Variants in DROSHA observed in about 807,000 individuals in gnomAD.
DROSHA encodes the protein drosha ribonuclease III.
DROSHA carries 56 observed loss-of-function variants against 181.9 expected under a neutral mutation model. The observed-to-expected ratio is 0.31, with a 90% CI of 0.25 to 0.38. DROSHA has a LOEUF of 0.38. Among genes scored for constraint, DROSHA ranks in the 10% least tolerant of loss-of-function variants. The probability of loss-of-function intolerance (pLI) is 1.00; values close to 1 mark genes in which losing one functional copy is unlikely to be tolerated. For missense variants in DROSHA, 1,218 were observed against 1,743.5 expected, an observed-to-expected ratio of 0.70 and a Z score of 5.37; for synonymous variants, 524 against 591.2, an observed-to-expected ratio of 0.89 and a Z score of 1.65.
At chr5:31,475,082 C>T (rs1319575676) in intron 16 of DROSHA, among the ~76,000 whole-genome samples, 1 of 152,276 alleles carries the variant, frequency 6.6e-6, no homozygotes, top group East Asian at 1.9e-4. Context: ...CTTTGAGGGG[C>T]CAAGGTGAGC....
rs1738438655 is a variant in DROSHA, at chr5:31,509,703, ACAG to A, written c.1433-931_1433-929del. 2.6e-5 allele frequency among the ~76,000 whole-genome samples: 4 copies of A among 152,340 alleles called. No homozygotes were observed. The East Asian group carries it at 5.8e-4, about 22-fold the overall frequency. ...ACTTGACATTTCTTTTCCCTCAATAACAGCAAGAGAAGGTGTTAGTCCTTAAAG... is the reference window on the plus strand; with the variant it reads ...ACTTGACATTTCTTTTCCCTCAATAACAAGAGAAGGTGTTAGTCCTTAAAG... On this transcript the variant is annotated intron_variant, in intron 9 of 35. Coordinates refer to ENST00000344624, the MANE Select transcript of DROSHA (RefSeq NM_001382508.1).
At chr5:31,402,369 G>A (rs1561102100) in intron 35 of DROSHA, among the ~76,000 whole-genome samples, 5 of 140,008 alleles carry the variant, frequency 3.6e-5, no homozygotes, top group Non-Finnish European at 6.1e-5. Flanking sequence ...AAAAATAGGC[G>A]AGTAATGTAC....
At chr5:31,457,999 G>T (rs1369470867) in intron 20 of DROSHA, among the ~76,000 whole-genome samples, 3 of 152,190 alleles carry the variant, frequency 2.0e-5, no homozygotes, top group African/African-American at 7.2e-5. Flanking sequence ...ACAGAAAATT[G>T]AGTGTAAATC....
At position 31,409,042 on chromosome 5, in the gene DROSHA, C is replaced by A. The variant is rs1167819135; in HGVS notation, c.3854+14G>T. On this transcript the variant is annotated intron_variant, in intron 33 of 35. Coordinates refer to ENST00000344624, the MANE Select transcript of DROSHA (RefSeq NM_001382508.1). This position sits in a 1 kb window ranked among gnomAD's most constrained non-coding sequence, Gnocchi z 4.0. ...CTGGATCCAACCAATGGCCTGCAGG[C>A]AACAAGTACTTACTTGTACAGAGGA... 1 of 1,607,120 alleles carries A rather than the reference C, an allele frequency of 6.2e-7. No homozygotes were observed. The highest frequency in any genetic ancestry group is 2.2e-5 in the East Asian group (1 of 44,804).
chr5:31,484,298 C>T lies in DROSHA; in HGVS notation c.1996+583G>A, dbSNP rs1028016864. Among the ~76,000 whole-genome samples, 4 of 145,042 alleles carry T rather than the reference C, an allele frequency of 2.8e-5. 1 individual carries two copies. Among genetic ancestry groups the T allele is most frequent in the African/African-American group, 5.4e-5 (2 of 37,174 alleles). On this transcript the variant is annotated intron_variant, in intron 15 of 35. Coordinates refer to ENST00000344624, the MANE Select transcript of DROSHA (RefSeq NM_001382508.1). ...CTGAGGCAGGAGAATGGCGTGAACC[C>T]GGGAAGCGGAGCTTGCAGTGAGCCG...
intron 23 of DROSHA, among the ~76,000 whole-genome samples, chr5:31,439,560 C>G (rs1745309428): frequency 6.6e-6 from 1 of 152,156 alleles, no homozygotes; most frequent in Admixed American, 6.5e-5. Context: ...GGTGTACAGA[C>G]AGCATGTTGT....
chr5:31,402,225 T>C (rs1740089968), intron 35 of DROSHA, among the ~76,000 whole-genome samples: 2 of 152,182 alleles, frequency 1.3e-5, no homozygotes, highest in African/African-American at 4.8e-5. Flanking sequence ...TGGGCGAGCA[T>C]GGCATGCTTG....
intron 34 of DROSHA, among the ~76,000 whole-genome samples, chr5:31,406,275 A>AG (rs1019851088): frequency 6.6e-5 from 10 of 151,990 alleles, no homozygotes; most frequent in East Asian, 3.9e-4. Flanking sequence ...TGGGAGGCTG[A>AG]GGGGGGGTTG....
intron 16 of DROSHA, among the ~76,000 whole-genome samples, chr5:31,476,341 A>G (rs11953544): frequency 0.92 from 139,828 of 152,216 alleles, 64,589 homozygotes; most frequent in Non-Finnish European, 0.98. Flanking sequence ...CTCCAGCCTG[A>G]GTGACAGGGT....
chr5:31,421,132 C>G, intron 30 of DROSHA, 140 bp downstream of exon 30: 1 of 657,394 alleles, frequency 1.5e-6, no homozygotes, highest in Middle Eastern at 4.1e-4. Context: ...ATACAATTTG[C>G]ACAATGAAAT....
chr5:31,458,386 A>G (rs1747925815), intron 20 of DROSHA, among the ~76,000 whole-genome samples: 1 of 152,222 alleles, frequency 6.6e-6, no homozygotes, highest in Non-Finnish European at 1.5e-5. Context: ...CAAATGAGTA[A>G]TTTTTGGTGC....
chr5:31,476,766 G>A (rs1484849851), intron 16 of DROSHA, among the ~76,000 whole-genome samples: 9 of 152,154 alleles, frequency 5.9e-5, no homozygotes, highest in Non-Finnish European at 1.5e-5. Flanking sequence ...TCCTGCCAGA[G>A]CCCACAGGGC....
chr5:31,418,142 T>A (rs904250794), intron 30 of DROSHA, among the ~76,000 whole-genome samples: 6 of 152,166 alleles, frequency 3.9e-5, no homozygotes, highest in African/African-American at 1.4e-4. Context: ...TTCAGATTCC[T>A]ATCCTTTGCA....
chr5:31,510,407 T>C (rs1349290025), intron 9 of DROSHA, among the ~76,000 whole-genome samples: 1 of 152,174 alleles, frequency 6.6e-6, no homozygotes, highest in Non-Finnish European at 1.5e-5. Flanking sequence ...TGGGATGTAA[T>C]GGAGGTGGGC....
chr5:31,497,986 G>A (rs1033889280), intron 11 of DROSHA, among the ~76,000 whole-genome samples: 1 of 152,192 alleles, frequency 6.6e-6, no homozygotes, highest in Non-Finnish European at 1.5e-5. Flanking sequence ...CAAGTTTGGA[G>A]GATCCTTCTC....
intron 15 of DROSHA, among the ~76,000 whole-genome samples, chr5:31,484,415 G>A (rs1204088684): frequency 1.4e-5 from 2 of 143,604 alleles, no homozygotes; most frequent in Non-Finnish European, 3.0e-5. Flanking sequence ...AAAAGAATAC[G>A]GATACTTCCA....
At position 31,451,517 on chromosome 5, in the gene DROSHA, G is replaced by T; in HGVS notation, c.2682+16C>A. 6.3e-7 allele frequency: 1 copy of T among 1,590,674 alleles called. No individual in the cohort carries two copies. Among genetic ancestry groups the T allele is most frequent in the South Asian group, 1.1e-5 (1 of 88,434 alleles). Reference sequence around the variant, plus strand: ...TATCTTGTTATTATGTGAGTTTACAGGAGAATAATTCTTACCTGCAACAGA... The same window carrying T: ...TATCTTGTTATTATGTGAGTTTACATGAGAATAATTCTTACCTGCAACAGA... On this transcript the variant is annotated intron_variant, in intron 21 of 35. Transcript: ENST00000344624.
At chr5:31,507,928 C>A (rs1428037295) in intron 10 of DROSHA, among the ~76,000 whole-genome samples, 1 of 152,246 alleles carries the variant, frequency 6.6e-6, no homozygotes. Flanking sequence ...GGATAGCTGT[C>A]ATCTAACAAG....
chr5:31,477,837 C>T (rs1750583410), intron 16 of DROSHA, among the ~76,000 whole-genome samples: 1 of 152,050 alleles, frequency 6.6e-6, no homozygotes, highest in Non-Finnish European at 1.5e-5. Context: ...AGGAAAGAAA[C>T]AAAAATTTGA....
Sources: allele counts gnomAD v4.1 joint callset (sites outside exome capture counted in the v4.1 genomes callset), GRCh38; gene constraint gnomAD v4.1.1; non-coding constraint Gnocchi (gnomAD v3.1); transcripts MANE v1.5; gene names NCBI Gene and HGNC (gene_info 2026-07-23, HGNC 2026-07-21).